The following FILIP1L variants were observed in gnomAD, a reference collection of about 807,000 sequenced individuals.
FILIP1L encodes filamin A-interacting protein 1-like.
A neutral mutation model predicts 96.6 loss-of-function variants in FILIP1L; 55 were observed. The ratio of observed to expected loss-of-function variants is 0.57; its 90% confidence interval spans 0.46 to 0.71. The LOEUF (loss-of-function observed/expected upper bound fraction) is 0.71. Among genes scored for constraint, FILIP1L ranks in the 30% least tolerant of loss-of-function variants. The pLI, the probability that FILIP1L is intolerant of heterozygous loss-of-function variation, is 0.00. For synonymous variants in FILIP1L, 467 were observed against 473.9 expected, an observed-to-expected ratio of 0.99 and a Z score of 0.19; for missense variants, 1,304 against 1,321.2, an observed-to-expected ratio of 0.99 and a Z score of 0.20.
chr3:99,887,459 G>C (rs1000657654), intron 4 of FILIP1L, among the ~76,000 whole-genome samples: 6 of 152,194 alleles, frequency 3.9e-5, no homozygotes, highest in Non-Finnish European at 5.9e-5. Flanking sequence ...AATTGTGCAT[G>C]TGGTGGCTAT....
At chr3:100,088,428 C>G (rs561198901) in intron 1 of FILIP1L, among the ~76,000 whole-genome samples, 9 of 152,190 alleles carry the variant, frequency 5.9e-5, no homozygotes, top group Non-Finnish European at 1.3e-4. Context: ...GAAGATATAG[C>G]TAATATATGG....
intron 4 of FILIP1L, among the ~76,000 whole-genome samples, chr3:99,884,074 G>T (rs558424125): frequency 5.3e-5 from 8 of 152,134 alleles, no homozygotes; most frequent in African/African-American, 1.9e-4. Flanking sequence ...AGTGAGAATG[G>T]ATCTTGGAGA....
intron 1 of FILIP1L, among the ~76,000 whole-genome samples, chr3:100,095,801 CAG>C (rs985350089): frequency 3.3e-5 from 5 of 151,958 alleles, no homozygotes; most frequent in African/African-American, 1.2e-4. Context: ...AGCTTCTGCC[CAG>C]CAAAGGAAAC....
Position 99,849,215 on chromosome 3 carries a change from C to A in FILIP1L, c.2461G>T (p.Ala821Ser), listed in dbSNP as rs754793138. 8.1e-6 allele frequency: 13 copies of A among 1,614,132 alleles called. No homozygotes were observed. Among genetic ancestry groups the A allele is most frequent in the Non-Finnish European group, 1.0e-5 (12 of 1,179,994 alleles). Reference protein sequence around the residue: ...DYKSLIPLERAVINGQLYEES... With the variant: ...DYKSLIPLERSVINGQLYEES... ...TCATATAACTGACCATTGATGACTG[C>A]ACGTTCCAGAGGAATGAGGCTCTTG... Residue 821 changes from alanine to serine, a missense_variant, in exon 5 of 6, where the codon GCA (alanine) becomes TCA (serine). Ala to Ser is a moderately conservative substitution (Grantham distance 99). Transcript: ENST00000477258.
chr3:99,968,428 GGAAAA>G (rs1708719270), intron 1 of FILIP1L, among the ~76,000 whole-genome samples: 1 of 141,354 alleles, frequency 7.1e-6, no homozygotes, highest in South Asian at 2.2e-4. Flanking sequence ...TGTTTTTGGG[GGAAAA>G]AAAAAAAAAA....
chr3:99,885,974 T>C (rs1705882016), intron 4 of FILIP1L, among the ~76,000 whole-genome samples: 1 of 152,220 alleles, frequency 6.6e-6, no homozygotes, highest in Middle Eastern at 3.2e-3. Flanking sequence ...TGCATGAGGA[T>C]ATTTCTGACT....
At chr3:99,958,436 G>A (rs1036481764) in intron 1 of FILIP1L, among the ~76,000 whole-genome samples, 7 of 152,022 alleles carry the variant, frequency 4.6e-5, no homozygotes, top group Non-Finnish European at 8.8e-5. Flanking sequence ...ACTGAGCCCA[G>A]CAGGAAAGTG....
chr3:99,896,552 G>T (rs982254492), intron 4 of FILIP1L, among the ~76,000 whole-genome samples: 2 of 152,148 alleles, frequency 1.3e-5, no homozygotes, highest in Non-Finnish European at 2.9e-5. Context: ...CAGGAAATAG[G>T]ACCCTTTATT....
intron 1 of FILIP1L, among the ~76,000 whole-genome samples, chr3:100,009,687 A>G (rs1710088144): frequency 1.3e-5 from 2 of 152,254 alleles, no homozygotes; most frequent in Admixed American, 1.3e-4. Context: ...AGGAAATTAC[A>G]GTAGCACATG....
At chr3:99,840,893 G>A (rs1943102972) in intron 5 of FILIP1L, among the ~76,000 whole-genome samples, 1 of 152,202 alleles carries the variant, frequency 6.6e-6, no homozygotes. Flanking sequence ...CTGAGGCTTT[G>A]TTAATCTACT....
intron 4 of FILIP1L, among the ~76,000 whole-genome samples, chr3:99,866,941 CTTGT>C (rs1944550428): frequency 6.6e-6 from 1 of 152,250 alleles, no homozygotes; most frequent in Admixed American, 6.5e-5. Flanking sequence ...TTATCTGAGC[CTTGT>C]TTAATTTTCC....
chr3:99,850,259 C>T lies in FILIP1L; in HGVS notation c.1417G>A (p.Glu473Lys), dbSNP rs767529915. 43 of 1,613,744 alleles carry T rather than the reference C, an allele frequency of 2.7e-5. No individual in the cohort carries two copies. The highest frequency in any genetic ancestry group is 3.2e-5 in the Non-Finnish European group (38 of 1,179,992). Reference protein sequence around the residue: ...ESLKVRIKELEAIESRLEKTE... With the variant: ...ESLKVRIKELKAIESRLEKTE... ...TTTTCTAGCCGACTTTCAATGGCTT[C>T]TAGCTCTTTGATCCTTACTTTTAAA... The change falls in exon 5 of 6, where the codon GAA becomes AAA. Residue 473 changes from glutamate (E) to lysine (K), a missense_variant. Transcript: ENST00000477258.
intron 1 of FILIP1L, among the ~76,000 whole-genome samples, chr3:100,001,875 CTA>C (rs1483031114): frequency 2.0e-5 from 3 of 152,176 alleles, no homozygotes; most frequent in African/African-American, 7.2e-5. Flanking sequence ...TTACCCTCCC[CTA>C]AGCTGCTCAG....
Position 100,016,723 on chromosome 3 carries a change from C to T in FILIP1L, c.-10-85693G>A, listed in dbSNP as rs148506564. Among the ~76,000 whole-genome samples the T allele has an allele frequency of 1.7e-3, 263 of 152,316 alleles. 5 individuals carry two copies. In the East Asian group the frequency reaches 0.029, roughly 17 times the overall value. ...TGCTCTTGAATCCTTTTTATCCTTT[C>T]ACTTATTTCTTGAATCTGAATTGTA... is the stretch of plus-strand genomic sequence containing the variant. On this transcript the variant is annotated intron_variant, in intron 1 of 5. Transcript: ENST00000477258.
chr3:99,907,138 C>T (rs2107634471), intron 4 of FILIP1L, among the ~76,000 whole-genome samples: 1 of 152,268 alleles, frequency 6.6e-6, no homozygotes, highest in East Asian at 1.9e-4. Context: ...GGAAGCAGCC[C>T]TTCAACTCAG....
intron 1 of FILIP1L, among the ~76,000 whole-genome samples, chr3:100,109,388 A>G (rs1476982108): frequency 6.6e-6 from 1 of 152,178 alleles, no homozygotes; most frequent in Non-Finnish European, 1.5e-5. Context: ...GAAAATTTTG[A>G]CAAGCTCATG....
At chr3:99,945,260 C>T (rs1385872597) in intron 1 of FILIP1L, among the ~76,000 whole-genome samples, 3 of 152,178 alleles carry the variant, frequency 2.0e-5, no homozygotes, top group South Asian at 2.1e-4. Context: ...AAGTCCCACT[C>T]ATCGCTACGA....
intron 1 of FILIP1L, among the ~76,000 whole-genome samples, chr3:99,996,940 TTC>T (rs1440373263): frequency 2.6e-5 from 4 of 152,116 alleles, no homozygotes; most frequent in African/African-American, 9.7e-5. Flanking sequence ...TTAAAATTTT[TTC>T]GAAACAAATG....
At chr3:100,103,713 C>T (rs2066347338) in intron 1 of FILIP1L, among the ~76,000 whole-genome samples, 1 of 152,076 alleles carries the variant, frequency 6.6e-6, no homozygotes, top group African/African-American at 2.4e-5. Context: ...ACAAACTGCC[C>T]CCTGGGAAAT....
Sources: gnomAD v4.1 joint callset for allele counts (sites outside exome capture counted in the v4.1 genomes callset) on GRCh38, gnomAD v4.1.1 for gene constraint, MANE v1.5 for transcripts, NCBI Gene and HGNC (gene_info 2026-07-23, HGNC 2026-07-21) for gene names.